SH3BGRL2: variants seen among roughly 807,000 people sequenced by gnomAD.
SH3BGRL2 encodes the protein SH3 domain binding glutamate rich protein like 2.
In SH3BGRL2, 21 loss-of-function variants were observed where a neutral mutation model predicts 14.8. The observed-to-expected ratio is 1.42, with a 90% CI of 1.01 to 2.05. SH3BGRL2 has a LOEUF of 2.05. Among genes scored for constraint, SH3BGRL2 ranks in the 30% most tolerant of loss-of-function variants. The pLI is 0.00. For synonymous variants in SH3BGRL2, 50 were observed against 47.8 expected (o/e 1.05, Z -0.19); for missense variants, 147 against 130.8 (o/e 1.12, Z -0.61).
chr6:79,580,044 A>G, the SH3BGRL2 span, among the ~76,000 whole-genome samples: 1 of 152,244 alleles, frequency 6.6e-6, no homozygotes, highest in Non-Finnish European at 1.5e-5. Context: ...ATCAAAAGAG[A>G]CAAAGAAGGC....
chr6:79,690,384 A>G (rs902210785), intron 2 of SH3BGRL2, among the ~76,000 whole-genome samples: 1 of 152,098 alleles, frequency 6.6e-6, no homozygotes, highest in African/African-American at 2.4e-5. Context: ...CTAGCCCTCA[A>G]TTTTTCTCAT....
chr6:79,538,321 C>G, the SH3BGRL2 span, among the ~76,000 whole-genome samples: 1 of 152,094 alleles, frequency 6.6e-6, no homozygotes, highest in Non-Finnish European at 1.5e-5. Flanking sequence ...AATGAATCTT[C>G]TAACCATGAA....
the SH3BGRL2 span, among the ~76,000 whole-genome samples, chr6:79,593,750 A>G: frequency 4.6e-5 from 7 of 152,354 alleles, no homozygotes; most frequent in Admixed American, 1.3e-4. Flanking sequence ...GCCAATGTAT[A>G]TTGCCCAAGG....
chr6:79,544,008 A>G, the SH3BGRL2 span, among the ~76,000 whole-genome samples: 1 of 152,120 alleles, frequency 6.6e-6, no homozygotes, highest in South Asian at 2.1e-4. Context: ...GCATCTCTCA[A>G]ATACCATCTT....
intron 1 of SH3BGRL2, among the ~76,000 whole-genome samples, chr6:79,669,890 TGGTCAA>T (rs1769739178): frequency 6.6e-6 from 1 of 152,036 alleles, no homozygotes; most frequent in South Asian, 2.1e-4. Context: ...TAAAATCAGG[TGGTCAA>T]AGGAGGGCTC....
At chr6:79,675,962 A>G (rs1433803896) in intron 2 of SH3BGRL2, among the ~76,000 whole-genome samples, 1 of 152,156 alleles carries the variant, frequency 6.6e-6, no homozygotes, top group African/African-American at 2.4e-5. Context: ...GAAGCTCACT[A>G]GAAGCTGCGT....
chr6:79,639,971 T>C (rs1295512567), intron 1 of SH3BGRL2, among the ~76,000 whole-genome samples: 1 of 152,276 alleles, frequency 6.6e-6, no homozygotes, highest in East Asian at 1.9e-4. Flanking sequence ...TGTTAACTTT[T>C]GTGGGGACTC....
At chr6:79,649,529 T>G (rs1333299952) in intron 1 of SH3BGRL2, among the ~76,000 whole-genome samples, 1 of 152,178 alleles carries the variant, frequency 6.6e-6, no homozygotes, top group Non-Finnish European at 1.5e-5. Context: ...CCCCCACATT[T>G]GTAGCACCTT....
chr6:79,693,067 C>A (rs1770258130), intron 2 of SH3BGRL2, among the ~76,000 whole-genome samples: 1 of 151,394 alleles, frequency 6.6e-6, no homozygotes, highest in African/African-American at 2.4e-5. Flanking sequence ...TGAAGAGGTC[C>A]TTCACATCCC....
the SH3BGRL2 span, among the ~76,000 whole-genome samples, chr6:79,611,604 G>T: frequency 6.6e-6 from 1 of 152,036 alleles, no homozygotes; most frequent in Non-Finnish European, 1.5e-5. Flanking sequence ...TAGAGGCGGG[G>T]TTTCGCCATG....
the SH3BGRL2 span, among the ~76,000 whole-genome samples, chr6:79,557,556 A>G: frequency 6.6e-6 from 1 of 152,182 alleles, no homozygotes; most frequent in African/African-American, 2.4e-5. Context: ...ATTAATAGAG[A>G]AATGAAGAAA....
chr6:79,583,453 T>TA, the SH3BGRL2 span, among the ~76,000 whole-genome samples: 1 of 152,110 alleles, frequency 6.6e-6, no homozygotes, highest in Non-Finnish European at 1.5e-5. Flanking sequence ...TATGCAGCCA[T>TA]AAAAAAGATG....
At chr6:79,656,957 C>T (rs906228705) in intron 1 of SH3BGRL2, among the ~76,000 whole-genome samples, 7 of 152,140 alleles carry the variant, frequency 4.6e-5, no homozygotes, top group Admixed American at 4.6e-4. Context: ...AAAGGTGTCA[C>T]CAAATTGTTT....
At chr6:79,648,279 T>TATATATAA (rs752182712) in intron 1 of SH3BGRL2, among the ~76,000 whole-genome samples, 5,747 of 117,100 alleles carry the variant, frequency 0.049, 318 homozygotes, top group African/African-American at 0.072. Context: ...TATATATATA[T>TATATATAA]ATATTTGACA....
rs1455873781 is a variant in SH3BGRL2 at position 79,673,664 on chromosome 6, A to G, written c.96A>G (p.Ile32Met). The G allele has an allele frequency of 1.2e-6, 2 of 1,614,172 alleles. No homozygotes were observed. Among genetic ancestry groups the G allele is most frequent in the Non-Finnish European group, 1.7e-6 (2 of 1,180,016 alleles). ...TTAGATTTCTGGAAGCCAACAAGAT[A>G]GAGTTTGAGGAGGTGGATATCACAA... ...DVVRFLEANK[I>M]EFEEVDITMS... is the part of the protein sequence containing the mutation. The change falls in exon 2 of 4, where the codon ATA (isoleucine) becomes ATG (methionine). Residue 32 changes from isoleucine (I) to methionine (M), a missense_variant. Ile to Met is a conservative substitution (Grantham distance 10). Transcript: ENST00000369838.
chr6:79,578,557 CCTGA>C, the SH3BGRL2 span, among the ~76,000 whole-genome samples: 27,740 of 152,016 alleles, frequency 0.18, 2,582 homozygotes, highest in South Asian at 0.22. Context: ...AGCTGAGGGA[CCTGA>C]CTGTTAGAAG....
At chr6:79,650,346 G>C (rs1182698252) in intron 1 of SH3BGRL2, among the ~76,000 whole-genome samples, 2 of 152,144 alleles carry the variant, frequency 1.3e-5, no homozygotes, top group Non-Finnish European at 2.9e-5. Flanking sequence ...CCCAAGGAGG[G>C]AGGAAAGTAC....
chr6:79,618,685 A>T, the SH3BGRL2 span, among the ~76,000 whole-genome samples: 1 of 151,790 alleles, frequency 6.6e-6, no homozygotes, highest in Non-Finnish European at 1.5e-5. Context: ...CAGCCTGGCC[A>T]AGGCGGGTGG....
At chr6:79,551,954 G>C in the SH3BGRL2 span, among the ~76,000 whole-genome samples, 2 of 152,116 alleles carry the variant, frequency 1.3e-5, no homozygotes, top group African/African-American at 4.8e-5. Flanking sequence ...AGCCGGGTGT[G>C]GTGGTGGGCA....
Sources: allele counts gnomAD v4.1 joint callset (sites outside exome capture counted in the v4.1 genomes callset), GRCh38; gene constraint gnomAD v4.1.1; transcripts MANE v1.5; gene names NCBI Gene and HGNC (gene_info 2026-07-23, HGNC 2026-07-21).